Variants in KSR2 observed in about 807,000 individuals in gnomAD.
KSR2 encodes kinase suppressor of ras 2.
KSR2 carries 25 observed loss-of-function variants against 107.8 expected under a neutral mutation model. The observed-to-expected ratio is 0.23, with a 90% CI of 0.17 to 0.32. The LOEUF (loss-of-function observed/expected upper bound fraction) is 0.32. Ranked by LOEUF, KSR2 falls within the 10% of genes least tolerant of loss-of-function variation. KSR2 has a pLI of 1.00. For missense variants in KSR2, 887 were observed against 1,268.9 expected, an observed-to-expected ratio of 0.70 and a Z score of 4.57; for synonymous variants, 480 against 507.0, an observed-to-expected ratio of 0.95 and a Z score of 0.71.
intron 3 of KSR2, among the ~76,000 whole-genome samples, chr12:117,848,179 AGAG>A (rs1420899202): frequency 6.6e-6 from 1 of 152,236 alleles, no homozygotes; most frequent in East Asian, 1.9e-4. Context: ...GCCAAAAAGA[AGAG>A]GAGAGAGAGA....
chr12:117,568,436 T>C (rs1222713665), intron 7 of KSR2, among the ~76,000 whole-genome samples: 4 of 152,176 alleles, frequency 2.6e-5, no homozygotes, highest in African/African-American at 9.7e-5. Flanking sequence ...ACATGTAGCA[T>C]TTATTGCCGG....
At chr12:117,740,274 G>T (rs1400529832) in intron 4 of KSR2, among the ~76,000 whole-genome samples, 1 of 145,846 alleles carries the variant, frequency 6.9e-6, no homozygotes, top group Non-Finnish European at 1.5e-5. Context: ...CCTTTCTATG[G>T]CTGAGTAGTA....
At chr12:117,663,029 C>CA (rs111326733) in intron 5 of KSR2, among the ~76,000 whole-genome samples, 1,965 of 152,212 alleles carry the variant, frequency 0.013, 38 homozygotes, top group African/African-American at 0.043. Flanking sequence ...GGTGGAGCAG[C>CA]AAATGGTTAG....
chr12:117,517,031 T>C (rs1841112860), intron 14 of KSR2, among the ~76,000 whole-genome samples: 1 of 152,094 alleles, frequency 6.6e-6, no homozygotes, highest in African/African-American at 2.4e-5. Context: ...CCCCCCTCCA[T>C]AGGATGTTCC....
chr12:117,843,324 T>C (rs144037244), intron 3 of KSR2, among the ~76,000 whole-genome samples: 1 of 152,212 alleles, frequency 6.6e-6, no homozygotes, highest in East Asian at 1.9e-4. Context: ...CCTCCAGTGG[T>C]TTCCCATTCT....
intron 3 of KSR2, among the ~76,000 whole-genome samples, chr12:117,763,799 G>A (rs1487377989): frequency 6.6e-6 from 1 of 152,168 alleles, no homozygotes; most frequent in East Asian, 1.9e-4. Context: ...GCCCAATTAA[G>A]GGGTATCTCA....
chr12:117,622,390 AAG>A (rs768774089), intron 5 of KSR2, among the ~76,000 whole-genome samples: 5 of 152,170 alleles, frequency 3.3e-5, no homozygotes, highest in Non-Finnish European at 5.9e-5. Flanking sequence ...AAGCAAAAGA[AAG>A]AGTCTATCTC....
chr12:117,556,793 G>T (rs1416737995), intron 8 of KSR2, among the ~76,000 whole-genome samples: 2 of 152,180 alleles, frequency 1.3e-5, no homozygotes, highest in Admixed American at 6.5e-5. Context: ...TGAAGGCTCT[G>T]TCCACCCTAT....
intron 3 of KSR2, among the ~76,000 whole-genome samples, chr12:117,802,322 T>C (rs530805975): frequency 2.6e-5 from 4 of 152,232 alleles, no homozygotes; most frequent in South Asian, 4.2e-4. Flanking sequence ...TGGGATGACT[T>C]TGAGCACGGC....
At chr12:117,747,725 G>A (rs895382728) in intron 4 of KSR2, among the ~76,000 whole-genome samples, 8 of 152,084 alleles carry the variant, frequency 5.3e-5, no homozygotes, top group Non-Finnish European at 1.0e-4. Context: ...TAATCATCGA[G>A]GAATTGCAAA....
chr12:117,623,187 A>G (rs1032873522), intron 5 of KSR2, among the ~76,000 whole-genome samples: 2 of 152,234 alleles, frequency 1.3e-5, no homozygotes, highest in African/African-American at 2.4e-5. Flanking sequence ...GTTAAATTCC[A>G]TAACAATATC....
chr12:117,880,080 A>G (rs1422884319), intron 1 of KSR2, among the ~76,000 whole-genome samples: 1 of 152,182 alleles, frequency 6.6e-6, no homozygotes, highest in Non-Finnish European at 1.5e-5. Context: ...TGGGAGGCGG[A>G]GGTTGCGGTG....
chr12:117,514,844 G>A (rs1004147493), intron 14 of KSR2, among the ~76,000 whole-genome samples: 32 of 151,860 alleles, frequency 2.1e-4, no homozygotes, highest in Non-Finnish European at 7.4e-5. Flanking sequence ...CACCGCACCC[G>A]GTCAGATCTC....
chr12:117,722,257 G>C (rs1223912119), intron 4 of KSR2, among the ~76,000 whole-genome samples: 1 of 152,146 alleles, frequency 6.6e-6, no homozygotes, highest in East Asian at 1.9e-4. Flanking sequence ...ATTTCTGCAG[G>C]TGGGGGAACC....
At chr12:117,646,671 C>T (rs1883660475) in intron 5 of KSR2, among the ~76,000 whole-genome samples, 1 of 152,208 alleles carries the variant, frequency 6.6e-6, no homozygotes, top group Non-Finnish European at 1.5e-5. Context: ...CATCGAGTTT[C>T]TTCTGAAGGG....
chr12:117,882,546 T>C (rs1894057515), intron 1 of KSR2, among the ~76,000 whole-genome samples: 1 of 150,618 alleles, frequency 6.6e-6, no homozygotes, highest in Non-Finnish European at 1.5e-5. Flanking sequence ...CCCATACATC[T>C]AGCCATCTAT....
At chr12:117,467,232 T>C in intron 19 of KSR2, 27 bp from the exon 20 acceptor site, 1 of 721,934 alleles carries the variant, frequency 1.4e-6, no homozygotes, top group South Asian at 1.5e-5. Context: ...AGGGAGAGAG[T>C]GGTGAGAGGT....
intron 4 of KSR2, among the ~76,000 whole-genome samples, chr12:117,698,102 T>C (rs943230073): frequency 6.6e-6 from 1 of 152,150 alleles, no homozygotes; most frequent in African/African-American, 2.4e-5. Flanking sequence ...TAGGACAGAT[T>C]CTTTTTCCAG....
intron 4 of KSR2, among the ~76,000 whole-genome samples, chr12:117,689,715 AATAAAT>A (rs10589889): frequency 0.96 from 143,776 of 150,308 alleles, 68,904 homozygotes; most frequent in Non-Finnish European, 0.99. Flanking sequence ...TATTTATACA[AATAAAT>A]ATAAATATAA....
Sources: allele counts gnomAD v4.1 joint callset (sites outside exome capture counted in the v4.1 genomes callset), GRCh38; gene constraint gnomAD v4.1.1; transcripts MANE v1.5; gene names NCBI Gene and HGNC (gene_info 2026-07-23, HGNC 2026-07-21).